The following KISS1R variants were observed in gnomAD, a reference collection of about 807,000 sequenced individuals.
KISS1R encodes kiSS-1 receptor.
A neutral mutation model predicts 22.0 loss-of-function variants in KISS1R; 19 were observed. That is an observed-to-expected ratio of 0.86 (90% CI 0.60 to 1.26). The LOEUF (loss-of-function observed/expected upper bound fraction) is 1.26, where lower values mean the gene tolerates loss of function less well. Ranked by LOEUF, KISS1R falls within the 50% of genes most tolerant of loss-of-function variation. The pLI is 0.00. For synonymous variants in KISS1R, 302 were observed against 283.9 expected, an observed-to-expected ratio of 1.06 and a Z score of -0.64; for missense variants, 653 against 581.9, an observed-to-expected ratio of 1.12 and a Z score of -1.26.
chr19:917,800 G>T, intron 1 of KISS1R, 54 bp downstream of exon 1: 1 of 1,545,322 alleles, frequency 6.5e-7, no homozygotes, highest in Admixed American at 1.9e-5. Flanking sequence ...TCCGAGGGCC[G>T]AGCGGCCTGG....
chr19:919,531 T>C lies in KISS1R; in HGVS notation c.411T>C (p.Ser137=). Reference sequence around the variant, plus strand: ...CGTGTGCCACTCTGACCGCCATGAGTGTGGACCGCTGGTACGTGACGGTGT... The same window carrying C: ...CGTGTGCCACTCTGACCGCCATGAGCGTGGACCGCTGGTACGTGACGGTGT... ...QATCATLTAM[S]VDRWYVTVFP... The change falls in exon 3 of 5, where the codon AGT becomes AGC. Residue 137 remains serine (S), a synonymous_variant. Coordinates refer to ENST00000234371, the MANE Select transcript of KISS1R (RefSeq NM_032551.5). 1 of 1,562,804 alleles carries C rather than the reference T, an allele frequency of 6.4e-7. No individual in the cohort carries two copies. Among genetic ancestry groups the C allele is most frequent in the Non-Finnish European group, 8.6e-7 (1 of 1,158,708 alleles).
At position 917,655 on chromosome 19, in the gene KISS1R, G is replaced by C; in HGVS notation, c.153G>C (p.Ala51=). The change falls in exon 1 of 5, where the codon GCG becomes GCC. Residue 51 remains alanine (A), a synonymous_variant. Coordinates refer to ENST00000234371, the MANE Select transcript of KISS1R (RefSeq NM_032551.5). The part of the protein sequence containing the change: ...DAWLVPLFFA[A]LMLLGLVGNS... ...GGCTCGTGCCGCTCTTCTTCGCGGC[G>C]CTGATGCTGCTGGGCCTGGTGGGGA... is the stretch of plus-strand genomic sequence containing the variant. 6.3e-7 allele frequency: 1 copy of C among 1,591,372 alleles called. No individual in the cohort carries two copies. Among genetic ancestry groups the C allele is most frequent in the Non-Finnish European group, 8.5e-7 (1 of 1,170,726 alleles).
chr19:920,141 G>C, intron 4 of KISS1R, 35 bp downstream of exon 4: 1 of 1,474,198 alleles, frequency 6.8e-7, no homozygotes, highest in Non-Finnish European at 8.9e-7. Flanking sequence ...GCAAGGCTGG[G>C]CGGGCGGGGA....
chr19:919,798 G>C, intron 3 of KISS1R, 76 bp from the exon 4 acceptor site: 1 of 1,498,926 alleles, frequency 6.7e-7, no homozygotes. Flanking sequence ...GGGTGGCTGG[G>C]TGAACGCCTC....
intron 2 of KISS1R, among the ~76,000 whole-genome samples, 156 bp from the exon 3 acceptor site, chr19:919,334 C>A (rs868845673): frequency 2.0e-5 from 3 of 152,184 alleles, no homozygotes; most frequent in Non-Finnish European, 2.9e-5. Flanking sequence ...GTCTCCCCAC[C>A]TTCTGTCCCC....
rs553809426 is a variant in KISS1R at position 919,942 on chromosome 19, A to G, written c.574A>G (p.Ser192Gly). The change falls in exon 4 of 5, where the codon AGT (serine) becomes GGT (glycine). Residue 192 changes from serine to glycine, a missense_variant. Transcript: ENST00000234371. The part of the protein sequence containing the change: ...RLSPGPRAYC[S>G]EAFPSRALER... ...GTCACCCGGGCCGCGCGCCTACTGC[A>G]GTGAGGCCTTCCCCAGCCGCGCCCT... 8.9e-5 allele frequency: 140 copies of G among 1,569,330 alleles called. 1 individual carries two copies. The South Asian group carries it at 1.6e-3, about 18-fold the overall frequency.
At position 917,426 on chromosome 19, in the gene KISS1R, G is replaced by A; in HGVS notation, c.-77G>A. 17 of 1,368,244 alleles carry A rather than the reference G, an allele frequency of 1.2e-5. No individual in the cohort carries two copies. The South Asian group carries it at 2.6e-4, about 21-fold the overall frequency. The allele number at this position is 1,368,244 out of a possible 1,614,324, so 84.8% of individuals were successfully genotyped here. A position where few individuals can be genotyped will look rare whatever the true frequency, so the allele number is the denominator to read the frequency against. ...GTTCCACAGGCGCAGCCCCCGGGCG[G>A]TCGGGCGGAGGGGTCCCCGGGGCGG... On this transcript the variant is annotated 5_prime_UTR_variant, in exon 1 of 5. Coordinates refer to ENST00000234371, the MANE Select transcript of KISS1R (RefSeq NM_032551.5).
At position 920,412 on chromosome 19, in the gene KISS1R, G is replaced by A; in HGVS notation, c.861G>A (p.Ala287=). ...TCCAGCTGTTCCTGGTGCTGCAGGC[G>A]CTGGGCCCCGCGGGCTCCTGGCACC... ...GPIQLFLVLQ[A]LGPAGSWHPR... is the part of the protein sequence containing the mutation. Residue 287 remains alanine, a synonymous_variant, in exon 5 of 5, where the codon GCG becomes GCA. Coordinates refer to ENST00000234371, the MANE Select transcript of KISS1R (RefSeq NM_032551.5). The A allele has an allele frequency of 6.2e-7, 1 of 1,605,610 alleles. No homozygotes were observed. Among genetic ancestry groups the A allele is most frequent in the Non-Finnish European group, 8.5e-7 (1 of 1,178,152 alleles).
In KISS1R at chr19:920,316, C is replaced by T. The variant is rs1216028250; in HGVS notation, c.765C>T (p.Gly255=). The change falls in exon 5 of 5, where the codon GGC becomes GGT. Residue 255 remains glycine (G), a synonymous_variant. Transcript: ENST00000234371. The part of the protein sequence containing the change: ...LQGQVLAERA[G]AVRAKVSRLV... Reference sequence around the variant, plus strand: ...GGCAGGTGCTGGCAGAGCGCGCAGGCGCCGTGCGGGCCAAGGTCTCGCGGC... The same window carrying T: ...GGCAGGTGCTGGCAGAGCGCGCAGGTGCCGTGCGGGCCAAGGTCTCGCGGC... 2.5e-6 allele frequency: 4 copies of T among 1,568,962 alleles called. No individual in the cohort carries two copies. Among genetic ancestry groups the T allele is most frequent in the Admixed American group, 1.8e-5 (1 of 56,376 alleles).
rs1451918145 is a variant in KISS1R, at chr19:920,287, C to G, written c.739-3C>G. 4.5e-6 allele frequency: 7 copies of G among 1,569,544 alleles called. No homozygotes were observed. In the African/African-American group the frequency reaches 6.8e-5, roughly 15 times the overall value. On this transcript the variant is annotated splice_polypyrimidine_tract_variant and splice_region_variant and intron_variant, in intron 4 of 4. Transcript: ENST00000234371. ...TCTAACCACCTTCACGGCACCCCCCCAGGGGCAGGTGCTGGCAGAGCGCGC... is the reference window on the plus strand; with the variant it reads ...TCTAACCACCTTCACGGCACCCCCCGAGGGGCAGGTGCTGGCAGAGCGCGC...
At chr19:919,430 C>T (rs1336558967) in intron 2 of KISS1R, 60 bp from the exon 3 acceptor site, 7 of 1,533,392 alleles carry the variant, frequency 4.6e-6, no homozygotes, top group Non-Finnish European at 6.1e-6. Flanking sequence ...GCAGGGCGGG[C>T]GGACAGGGCA....
chr19:918,492 GTTCC>G, intron 1 of KISS1R, 48 bp from the exon 2 acceptor site: 1 of 1,533,422 alleles, frequency 6.5e-7, no homozygotes, highest in South Asian at 1.2e-5. Flanking sequence ...GCGCTGGGCG[GTTCC>G]CGCGGCCAGT....
At chr19:919,395 A>G in intron 2 of KISS1R, 95 bp from the exon 3 acceptor site, 1 of 1,497,032 alleles carries the variant, frequency 6.7e-7, no homozygotes, top group Non-Finnish European at 9.0e-7. Flanking sequence ...TATGTGCCTG[A>G]GTGTTCGCAC....
At chr19:918,906 G>A (rs1437791164) in intron 2 of KISS1R, among the ~76,000 whole-genome samples, 2 of 136,072 alleles carry the variant, frequency 1.5e-5, no homozygotes, top group Admixed American at 7.2e-5. Context: ...GCGCATGGTG[G>A]GGCGGGGCAG....
rs531922726 is a variant in KISS1R, at chr19:920,494, A to C, written c.943A>C (p.Asn315His). 10 of 1,609,888 alleles carry C rather than the reference A, an allele frequency of 6.2e-6. No homozygotes were observed. Among genetic ancestry groups the C allele is most frequent in the Middle Eastern group, 3.3e-4 (2 of 6,046 alleles). The stretch of plus-strand genomic sequence containing the variant: ...CTGGGCTCACTGCATGTCCTACAGC[A>C]ACTCCGCGCTGAACCCGCTGCTCTA... Reference protein sequence around the residue: ...KTWAHCMSYSNSALNPLLYAF... With the variant: ...KTWAHCMSYSHSALNPLLYAF... The change falls in exon 5 of 5, where the codon AAC becomes CAC. Residue 315 changes from asparagine (N) to histidine (H), a missense_variant. Transcript: ENST00000234371.
Position 919,501 on chromosome 19 carries a change from G to A in KISS1R, c.381G>A (p.Gln127=). ...FVNYIQQVSV[Q]ATCATLTAMS... is the part of the protein sequence containing the mutation. ...GGCGGCTCCCGCAGGTCTCGGTGCA[G>A]GCCACGTGTGCCACTCTGACCGCCA... is the stretch of plus-strand genomic sequence containing the variant. The change falls in exon 3 of 5, where the codon CAG becomes CAA. Residue 127 remains glutamine, a synonymous_variant. Coordinates refer to ENST00000234371, the MANE Select transcript of KISS1R (RefSeq NM_032551.5). 6.4e-7 allele frequency: 1 copy of A among 1,553,722 alleles called. No homozygotes were observed. Among genetic ancestry groups the A allele is most frequent in the Non-Finnish European group, 8.7e-7 (1 of 1,155,166 alleles).
At position 920,798 on chromosome 19, in the gene KISS1R, G is replaced by A; in HGVS notation, c.*50G>A. On this transcript the variant is annotated 3_prime_UTR_variant, in exon 5 of 5. Transcript: ENST00000234371. The stretch of plus-strand genomic sequence containing the variant: ...GCTCCCTCGGGAGCGGGGACTGCTG[G>A]AACAGCGGCTATTCTTCTGTTATTA... 2 of 1,245,438 alleles carry A rather than the reference G, an allele frequency of 1.6e-6. No individual in the cohort carries two copies. The highest frequency in any genetic ancestry group is 2.0e-6 in the Non-Finnish European group (2 of 995,654). 77.1% of individuals were successfully genotyped at this position (1,245,438 alleles called of 1,614,324 possible).
At position 920,270 on chromosome 19, in the gene KISS1R, C is replaced by G; in HGVS notation, c.739-20C>G. On this transcript the variant is annotated intron_variant, in intron 4 of 4. Transcript: ENST00000234371. ...CGGGCCCCAGCCTTTCGTCTAACCACCTTCACGGCACCCCCCCAGGGGCAG... is the reference window on the plus strand; with the variant it reads ...CGGGCCCCAGCCTTTCGTCTAACCAGCTTCACGGCACCCCCCCAGGGGCAG... 6.4e-7 allele frequency: 1 copy of G among 1,565,580 alleles called. No individual in the cohort carries two copies. The highest frequency in any genetic ancestry group is 8.6e-7 in the Non-Finnish European group (1 of 1,165,030).
rs1350971764 is a variant in KISS1R at position 917,613 on chromosome 19, G to T, written c.111G>T (p.Pro37=). 1.9e-6 allele frequency: 3 copies of T among 1,569,278 alleles called. No individual in the cohort carries two copies. The highest frequency in any genetic ancestry group is 2.6e-6 in the Non-Finnish European group (3 of 1,159,964). Residue 37 remains proline, a synonymous_variant, in exon 1 of 5, where the codon CCG becomes CCT. Coordinates refer to ENST00000234371, the MANE Select transcript of KISS1R (RefSeq NM_032551.5). The part of the protein sequence containing the change: ...ANASDGPVPS[P]RAVDAWLVPL... Reference sequence around the variant, plus strand: ...CCTCGGACGGCCCAGTCCCTTCGCCGCGGGCCGTGGACGCCTGGCTCGTGC... The same window carrying T: ...CCTCGGACGGCCCAGTCCCTTCGCCTCGGGCCGTGGACGCCTGGCTCGTGC...
Sources: gnomAD v4.1 joint callset for allele counts (sites outside exome capture counted in the v4.1 genomes callset) on GRCh38, gnomAD v4.1.1 for gene constraint, MANE v1.5 for transcripts, NCBI Gene and HGNC (gene_info 2026-07-23, HGNC 2026-07-21) for gene names.